The following WDFY4 variants were observed in gnomAD, a reference collection of about 807,000 sequenced individuals.
WDFY4 encodes the protein WD repeat- and FYVE domain-containing protein 4.
WDFY4 carries 169 observed loss-of-function variants against 351.9 expected under a neutral mutation model. That is an observed-to-expected ratio of 0.48 (90% CI 0.42 to 0.55). The LOEUF (loss-of-function observed/expected upper bound fraction) is 0.55, where lower values mean the gene tolerates loss of function less well. Ranked by LOEUF, WDFY4 falls within the 20% of genes least tolerant of loss-of-function variation. The probability of loss-of-function intolerance (pLI) is 0.00; values close to 1 mark genes in which losing one functional copy is unlikely to be tolerated. For synonymous variants in WDFY4, 1,622 were observed against 1,574.6 expected (o/e 1.03, Z -0.71); for missense variants, 3,803 against 3,935.6 (o/e 0.97, Z 0.90).
At chr10:48,709,677 T>C (rs1589430085) in intron 1 of WDFY4, 39 bp from the exon 2 acceptor site, 4 of 1,504,474 alleles carry the variant, frequency 2.7e-6, no homozygotes, top group African/African-American at 1.4e-5. Context: ...CAGGAAGTGA[T>C]GTGACAGGAA....
intron 52 of WDFY4, among the ~76,000 whole-genome samples, chr10:48,959,322 C>T (rs989853233): frequency 1.5e-4 from 23 of 152,282 alleles, no homozygotes; most frequent in African/African-American, 3.1e-4. Flanking sequence ...TAGCTCCTGG[C>T]GTGGAGTGAG....
At position 48,803,287 on chromosome 10, in the gene WDFY4, T is replaced by C. The variant is rs764648255; in HGVS notation, c.4412T>C (p.Leu1471Pro). 25 of 1,551,822 alleles carry C rather than the reference T, an allele frequency of 1.6e-5. No individual in the cohort carries two copies. Among genetic ancestry groups the C allele is most frequent in the Non-Finnish European group, 4.4e-6 (5 of 1,147,056 alleles). Residue 1471 changes from leucine to proline, a missense_variant and splice_region_variant, in exon 25 of 62, where the codon CTC becomes CCC. Physicochemically the swap from Leu to Pro is moderately conservative, Grantham distance 98. This residue lies in a region of WDFY4 where 3,054 missense variants were observed against 3,148.6 expected (regional missense o/e 0.97). Coordinates refer to ENST00000325239, the MANE Select transcript of WDFY4 (RefSeq NM_001394531.1). ...VFQHILCNFELWMNTADNLEL... is the reference protein window; with the variant it reads ...VFQHILCNFEPWMNTADNLEL... The stretch of plus-strand genomic sequence containing the variant: ...CATGTGTTTTGTTTTGTCTTCCAGC[T>C]CTGGATGAATACTGCAGACAATCTG...
chr10:48,965,324 A>G (rs1335326202), intron 54 of WDFY4, among the ~76,000 whole-genome samples: 1 of 152,166 alleles, frequency 6.6e-6, no homozygotes, highest in Non-Finnish European at 1.5e-5. Flanking sequence ...CATCAGAATG[A>G]GAATCCCCAA....
intron 47 of WDFY4, 35 bp from the exon 48 acceptor site, chr10:48,941,771 A>ATATT: frequency 6.5e-7 from 1 of 1,550,322 alleles, no homozygotes; most frequent in Non-Finnish European, 8.7e-7. Flanking sequence ...TTGCCTTGGT[A>ATATT]TATTTAGTCA....
In WDFY4 at chr10:48,709,759, TGAA is replaced by T; in HGVS notation, c.30_32del (p.Glu10del). Reference sequence around the variant, plus strand: ...TGGAGGCAGAAGATCTTTCAAAGGCTGAAGACAGAAATGAAGACCCAGGTTCCA... The same window carrying T: ...TGGAGGCAGAAGATCTTTCAAAGGCTGACAGAAATGAAGACCCAGGTTCCA... On this transcript the variant is annotated inframe_deletion, in exon 2 of 62. Coordinates refer to ENST00000325239, the MANE Select transcript of WDFY4 (RefSeq NM_001394531.1). The T allele has an allele frequency of 6.4e-7, 1 of 1,552,032 alleles. No homozygotes were observed. The highest frequency in any genetic ancestry group is 8.7e-7 in the Non-Finnish European group (1 of 1,147,070).
At chr10:48,706,456 T>G (rs1589424430) in intron 1 of WDFY4, among the ~76,000 whole-genome samples, 1 of 152,276 alleles carries the variant, frequency 6.6e-6, no homozygotes, top group East Asian at 1.9e-4. Context: ...GAAACATACT[T>G]AGCTCCTCAC....
At chr10:48,745,601 C>T in intron 12 of WDFY4, 2 of 519,024 alleles carry the variant, frequency 3.9e-6, no homozygotes, top group South Asian at 1.7e-5. Context: ...TTCTTTTTGG[C>T]CTGTTTCTGC....
intron 44 of WDFY4, among the ~76,000 whole-genome samples, chr10:48,891,438 A>G (rs530592244): frequency 6.6e-6 from 1 of 152,342 alleles, no homozygotes; most frequent in South Asian, 2.1e-4. Flanking sequence ...TCAAAATCAA[A>G]TTGACTGAGC....
intron 28 of WDFY4, 140 bp from the exon 29 acceptor site, chr10:48,810,390 T>A: frequency 1.4e-6 from 1 of 738,060 alleles, no homozygotes; most frequent in Non-Finnish European, 2.1e-6. Context: ...ACTATTCTTT[T>A]TAAATGTAAT....
At chr10:48,862,784 T>G (rs1043492925) in intron 39 of WDFY4, among the ~76,000 whole-genome samples, 1 of 152,176 alleles carries the variant, frequency 6.6e-6, no homozygotes, top group Non-Finnish European at 1.5e-5. Flanking sequence ...TATAGTATAT[T>G]CCCAGATATG....
chr10:48,724,702 A>G (rs2064206757), intron 5 of WDFY4, among the ~76,000 whole-genome samples: 1 of 152,190 alleles, frequency 6.6e-6, no homozygotes, highest in South Asian at 2.1e-4. Context: ...TACTGTGCGC[A>G]GCTCTATGGC....
intron 3 of WDFY4, among the ~76,000 whole-genome samples, 165 bp from the exon 4 acceptor site, chr10:48,721,096 G>A (rs1470408516): frequency 1.3e-5 from 2 of 152,174 alleles, no homozygotes; most frequent in Non-Finnish European, 2.9e-5. Flanking sequence ...CTGGCAGGGT[G>A]TGGAGCGTTT....
intron 39 of WDFY4, among the ~76,000 whole-genome samples, chr10:48,850,577 T>C (rs2068925661): frequency 6.6e-6 from 1 of 152,236 alleles, no homozygotes. Context: ...TTGGTGTGTG[T>C]ATTACTCAGA....
intron 36 of WDFY4, among the ~76,000 whole-genome samples, chr10:48,827,427 G>A (rs1489059855): frequency 6.7e-6 from 1 of 150,028 alleles, no homozygotes; most frequent in Non-Finnish European, 1.5e-5. Flanking sequence ...TTTTCTTGAA[G>A]CCCCAAGTTT....
intron 12 of WDFY4, among the ~76,000 whole-genome samples, chr10:48,743,957 T>G (rs1355393628): frequency 1.3e-5 from 2 of 152,170 alleles, no homozygotes; most frequent in African/African-American, 4.8e-5. Flanking sequence ...GGTGAGATCC[T>G]TTGATCTGCA....
chr10:48,702,941 G>T (rs1236466228), intron 1 of WDFY4, among the ~76,000 whole-genome samples: 1 of 152,114 alleles, frequency 6.6e-6, no homozygotes, highest in Non-Finnish European at 1.5e-5. Context: ...CTGGCATCTT[G>T]TTTTAATCAT....
At chr10:48,970,673 C>T (rs917290024) in intron 57 of WDFY4, among the ~76,000 whole-genome samples, 5 of 152,182 alleles carry the variant, frequency 3.3e-5, no homozygotes, top group African/African-American at 1.2e-4. Flanking sequence ...CACAAGTTGG[C>T]CTTTATGCCA....
chr10:48,794,026 G>A (rs571438400), intron 23 of WDFY4, among the ~76,000 whole-genome samples: 1 of 152,182 alleles, frequency 6.6e-6, no homozygotes, highest in African/African-American at 2.4e-5. Context: ...AGCTGGTCTG[G>A]GTTCCTCCAC....
chr10:48,838,230 C>T (rs1011612115), intron 39 of WDFY4, among the ~76,000 whole-genome samples: 6 of 152,184 alleles, frequency 3.9e-5, no homozygotes, highest in African/African-American at 7.2e-5. Flanking sequence ...TAGAAGTTTG[C>T]CTCACACCTT....
Sources: gnomAD v4.1 joint callset for allele counts (sites outside exome capture counted in the v4.1 genomes callset) on GRCh38, gnomAD v4.1.1 for gene constraint, gnomAD v4.1.1 regional missense constraint, MANE v1.5 for transcripts, NCBI Gene and HGNC (gene_info 2026-07-23, HGNC 2026-07-21) for gene names.